The following CNGB1 variants were observed in gnomAD, a reference collection of about 807,000 sequenced individuals.
CNGB1 encodes the protein cyclic nucleotide gated channel subunit beta 1.
A neutral mutation model predicts 151.7 loss-of-function variants in CNGB1; 126 were observed. That is an observed-to-expected ratio of 0.83 (90% CI 0.72 to 0.96). The LOEUF is 0.96. CNGB1 is among the 40% of genes least tolerant of loss of function. The pLI, the probability that CNGB1 is intolerant of heterozygous loss-of-function variation, is 0.00. For synonymous variants in CNGB1, 623 were observed against 635.1 expected (o/e 0.98, Z 0.29); for missense variants, 1,698 against 1,627.0 (o/e 1.04, Z -0.75).
chr16:57,941,657 T>C (rs6499925), intron 14 of CNGB1, among the ~76,000 whole-genome samples: 6,062 of 152,260 alleles, frequency 0.04, 406 homozygotes, highest in African/African-American at 0.13. Context: ...CATCATTCCA[T>C]GATCAAATCT....
At chr16:57,917,076 T>G (rs1366328502) in intron 21 of CNGB1, among the ~76,000 whole-genome samples, 192 bp downstream of exon 21, 4 of 152,252 alleles carry the variant, frequency 2.6e-5, no homozygotes, top group African/African-American at 9.6e-5. Context: ...CAATATCTGA[T>G]GTGCGTAATT....
Position 57,939,543 on chromosome 16 carries a change from T to G in CNGB1, c.1259A>C (p.Lys420Thr). The G allele has an allele frequency of 3.7e-6, 6 of 1,614,112 alleles. No homozygotes were observed. The highest frequency in any genetic ancestry group is 5.1e-6 in the Non-Finnish European group (6 of 1,179,996). Residue 420 changes from lysine to threonine, a missense_variant, in exon 16 of 33, where the codon AAG becomes ACG. Physicochemically the swap from Lys to Thr is moderately conservative, Grantham distance 78. Transcript: ENST00000251102. The part of the protein sequence containing the change: ...GEEAKKEAEE[K>T]AKEEAEEVAE... ...CACCTCCTCGGCCTCCTCCTTGGCC[T>G]TCTCTTCAGCCTCCTTCTTGGCCTC... is the stretch of plus-strand genomic sequence containing the variant.
chr16:57,964,630 C>A, intron 2 of CNGB1, 86 bp from the exon 3 acceptor site: 1 of 1,345,648 alleles, frequency 7.4e-7, no homozygotes, highest in Non-Finnish European at 1.1e-6. Context: ...CTCAAGGGAT[C>A]CCTGCCCCAC....
At position 57,923,128 on chromosome 16, in the gene CNGB1, G is replaced by A. The variant is rs989212290; in HGVS notation, c.1643+145C>T. 16 of 575,400 alleles carry A rather than the reference G, an allele frequency of 2.8e-5. No homozygotes were observed. The African/African-American group carries it at 3.0e-4, about 11-fold the overall frequency. The allele number at this position is 575,400 out of a possible 1,614,324, so 35.6% of individuals were successfully genotyped here. A position where few individuals can be genotyped will look rare whatever the true frequency, so the allele number is the denominator to read the frequency against. On this transcript the variant is annotated intron_variant, in intron 18 of 32. Coordinates refer to ENST00000251102, the MANE Select transcript of CNGB1 (RefSeq NM_001297.5). The stretch of plus-strand genomic sequence containing the variant: ...GGCCAGCCAGAAGCAGCCTGGGCAG[G>A]CGACCGATCCCGACTTACTGCTCGG...
At chr16:57,970,600 G>A (rs566260056) in intron 1 of CNGB1, among the ~76,000 whole-genome samples, 7 of 152,240 alleles carry the variant, frequency 4.6e-5, no homozygotes, top group South Asian at 4.1e-4. Context: ...AGCAATTCTC[G>A]CTTGCATTTC....
intron 13 of CNGB1, 48 bp from the exon 14 acceptor site, chr16:57,949,487 G>T: frequency 6.2e-7 from 1 of 1,611,092 alleles, no homozygotes; most frequent in Non-Finnish European, 8.5e-7. Context: ...AAGCTGCCCC[G>T]CTGAGTCTAC....
intron 2 of CNGB1, among the ~76,000 whole-genome samples, chr16:57,966,249 C>G (rs1206577101): frequency 6.6e-6 from 1 of 152,242 alleles, no homozygotes; most frequent in Non-Finnish European, 1.5e-5. Context: ...ACGTTCCCTC[C>G]TCTCCACCTA....
At chr16:57,885,728 G>A (rs1357218291) in intron 32 of CNGB1, among the ~76,000 whole-genome samples, 1 of 151,986 alleles carries the variant, frequency 6.6e-6, no homozygotes, top group Non-Finnish European at 1.5e-5. Flanking sequence ...CGAGTAGCTG[G>A]GATTACAGGT....
rs1371531487 is a variant in CNGB1, at chr16:57,900,859, G to GA, written c.2976+492dup. Among the ~76,000 whole-genome samples the GA allele has an allele frequency of 9.4e-3, 1,375 of 145,666 alleles. 16 individuals are homozygous for GA. Among genetic ancestry groups the GA allele is most frequent in the South Asian group, 0.039 (179 of 4,648 alleles). On this transcript the variant is annotated intron_variant, in intron 29 of 32. Transcript: ENST00000251102. The stretch of plus-strand genomic sequence containing the variant: ...CCAATTCAACATTTTTTAAAAATTA[G>GA]AAAAAAAAAAACCCACAGAATACCT...
intron 28 of CNGB1, 36 bp from the exon 29 acceptor site, chr16:57,901,471 G>C (rs1960385738): frequency 6.2e-7 from 1 of 1,613,766 alleles, no homozygotes; most frequent in African/African-American, 1.3e-5. Flanking sequence ...ACTTTTTAGA[G>C]AAGATTGGGC....
At position 57,967,264 on chromosome 16, in the gene CNGB1, A is replaced by G; in HGVS notation, c.23T>C (p.Val8Ala). 1 of 1,614,004 alleles carries G rather than the reference A, an allele frequency of 6.2e-7. No individual in the cohort carries two copies. The highest frequency in any genetic ancestry group is 8.5e-7 in the Non-Finnish European group (1 of 1,179,986). ...AGGGGTCCCTGGGGGCTGAGGCAGC[A>G]CCCTCTGGACCCAGCCCAACATCCT... MLGWVQR[V>A]LPQPPGTPRK... is the part of the protein sequence containing the mutation. The change falls in exon 2 of 33, where the codon GTG (valine) becomes GCG (alanine). Residue 8 changes from valine to alanine, a missense_variant. By Grantham distance (64) the Val-to-Ala change is moderately conservative. Transcript: ENST00000251102.
At chr16:57,965,093 C>T (rs1022537119) in intron 2 of CNGB1, among the ~76,000 whole-genome samples, 15 of 146,562 alleles carry the variant, frequency 1.0e-4, no homozygotes, top group African/African-American at 3.7e-4. Flanking sequence ...TATACATGCA[C>T]ATACATACAC....
chr16:57,934,871 G>A (rs1404466057), intron 16 of CNGB1, among the ~76,000 whole-genome samples: 2 of 151,958 alleles, frequency 1.3e-5, no homozygotes, highest in African/African-American at 2.4e-5. Flanking sequence ...ACAGGTGAAT[G>A]GCGTGAACCC....
chr16:57,969,416 A>G (rs1393407687), intron 1 of CNGB1, among the ~76,000 whole-genome samples: 1 of 152,220 alleles, frequency 6.6e-6, no homozygotes, highest in Admixed American at 6.5e-5. Flanking sequence ...CAGGAGTTCG[A>G]GACCAGCCTG....
Position 57,960,471 on chromosome 16 carries a change from C to A in CNGB1, c.583+11G>T. On this transcript the variant is annotated intron_variant, in intron 9 of 32. Coordinates refer to ENST00000251102, the MANE Select transcript of CNGB1 (RefSeq NM_001297.5). ...CCCAGGCAGCCCCCTCCCGAGCTCC[C>A]CTCCCTGTACCTGGGTCTGAGGCAG... 2 of 1,612,932 alleles carry A rather than the reference C, an allele frequency of 1.2e-6. No individual in the cohort carries two copies. The highest frequency in any genetic ancestry group is 4.5e-5 in the East Asian group (2 of 44,814).
At chr16:57,890,915 C>G (rs1429247100) in intron 31 of CNGB1, among the ~76,000 whole-genome samples, 1 of 152,250 alleles carries the variant, frequency 6.6e-6, no homozygotes, top group African/African-American at 2.4e-5. Context: ...CCACGCCCCC[C>G]CATGTTGCTG....
intron 29 of CNGB1, among the ~76,000 whole-genome samples, chr16:57,899,330 A>AAT (rs1309468170): frequency 4.1e-4 from 60 of 145,524 alleles, no homozygotes; most frequent in Non-Finnish European, 5.4e-4. Context: ...CAGAAAAAAA[A>AAT]AATAATAATA....
At chr16:57,898,042 C>A in intron 29 of CNGB1, 128 bp from the exon 30 acceptor site, 1 of 917,340 alleles carries the variant, frequency 1.1e-6, no homozygotes, top group Non-Finnish European at 1.8e-6. Flanking sequence ...GCCCTGCCAC[C>A]ACAACTTGGG....
In CNGB1 at chr16:57,931,840, C is replaced by A. The variant is rs575382265; in HGVS notation, c.1411G>T (p.Asp471Tyr). The change falls in exon 17 of 33, where the codon GAT becomes TAT. Residue 471 changes from aspartate (D) to tyrosine (Y), a missense_variant. Transcript: ENST00000251102. ...TKQHPEVQVE[D>Y]TDADSCPLMA... ...AGGGGGCAGCTATCAGCATCAGTAT[C>A]TTCCACCTGCACTTCTGGGTGCTGT... is the stretch of plus-strand genomic sequence containing the variant. 1 of 1,614,194 alleles carries A rather than the reference C, an allele frequency of 6.2e-7. No homozygotes were observed. Among genetic ancestry groups the A allele is most frequent in the African/African-American group, 1.3e-5 (1 of 75,044 alleles).
Sources: gnomAD v4.1 joint callset for allele counts (sites outside exome capture counted in the v4.1 genomes callset) on GRCh38, gnomAD v4.1.1 for gene constraint, MANE v1.5 for transcripts, NCBI Gene and HGNC (gene_info 2026-07-23, HGNC 2026-07-21) for gene names.